The following IL1RAPL1 variants were observed in gnomAD, a reference collection of about 807,000 sequenced individuals.
IL1RAPL1 encodes interleukin-1 receptor accessory protein-like 1.
In IL1RAPL1, 3 loss-of-function variants were observed where a neutral mutation model predicts 48.4. The ratio of observed to expected loss-of-function variants is 0.06; its 90% CI spans 0.03 to 0.16. The LOEUF is 0.16. IL1RAPL1 is among the 10% of genes least tolerant of loss of function. The pLI is 1.00. For synonymous variants in IL1RAPL1, 185 were observed against 187.7 expected (o/e 0.99, Z 0.12); for missense variants, 349 against 530.6 (o/e 0.66, Z 3.36).
chrX:28,932,107 T>G (rs955225513), intron 2 of IL1RAPL1, among the ~76,000 whole-genome samples: 8 of 110,902 alleles, frequency 7.2e-5, no homozygotes, highest in African/African-American at 2.6e-4. Flanking sequence ...TATGAGCATA[T>G]GCATTTATAA....
intron 2 of IL1RAPL1, among the ~76,000 whole-genome samples, chrX:28,862,967 C>T (rs748062492): frequency 1.0e-4 from 11 of 110,395 alleles, no homozygotes; most frequent in African/African-American, 3.6e-4. Flanking sequence ...CGGCAACATC[C>T]GCCTCCCCGG....
chrX:29,653,582 T>G (rs1925580259), intron 5 of IL1RAPL1, among the ~76,000 whole-genome samples: 1 of 111,738 alleles, frequency 8.9e-6, no homozygotes, highest in Non-Finnish European at 1.9e-5. Flanking sequence ...CTTATAGGCA[T>G]GTTTTTCTTT....
intron 5 of IL1RAPL1, among the ~76,000 whole-genome samples, chrX:29,410,328 G>T (rs1934127542): frequency 9.2e-6 from 1 of 109,232 alleles, no homozygotes; most frequent in African/African-American, 3.3e-5. Context: ...GGGTGTGGTG[G>T]TGCGTGCCTG....
chrX:29,062,803 C>A, intron 2 of IL1RAPL1, among the ~76,000 whole-genome samples: 1 of 111,171 alleles, frequency 9.0e-6, no homozygotes, highest in Non-Finnish European at 1.9e-5. Context: ...ATCCTAGCTT[C>A]TTTTTTCAAG....
chrX:29,014,667 T>G (rs1305348224), intron 2 of IL1RAPL1, among the ~76,000 whole-genome samples: 1 of 112,111 alleles, frequency 8.9e-6, no homozygotes, highest in Non-Finnish European at 1.9e-5. Flanking sequence ...GGTCAAATTT[T>G]TTAATAACCT....
At chrX:29,507,469 A>G (rs1935348723) in intron 5 of IL1RAPL1, among the ~76,000 whole-genome samples, 1 of 56,714 alleles carries the variant, frequency 1.8e-5, no homozygotes, top group Admixed American at 2.3e-4. Context: ...CAGTGGCTCA[A>G]TCATGGCTCA....
intron 5 of IL1RAPL1, among the ~76,000 whole-genome samples, chrX:29,646,091 G>A (rs1460937414): frequency 3.6e-5 from 4 of 111,922 alleles, no homozygotes; most frequent in African/African-American, 9.7e-5. Flanking sequence ...AGGTGCCATT[G>A]ACTGACCTTA....
chrX:29,558,378 C>T (rs1411820948), intron 5 of IL1RAPL1, among the ~76,000 whole-genome samples: 1 of 111,473 alleles, frequency 9.0e-6, no homozygotes, highest in Non-Finnish European at 1.9e-5. Context: ...TTTAAGTAGG[C>T]TTATTTGTTG....
At chrX:28,821,512 T>C (rs1288376837) in intron 2 of IL1RAPL1, among the ~76,000 whole-genome samples, 11 of 111,849 alleles carry the variant, frequency 9.8e-5, no homozygotes, top group African/African-American at 3.6e-4. Context: ...TAAGCAGTAT[T>C]GTCAGTGTAC....
chrX:29,477,314 CTAT>C (rs1350163211), intron 5 of IL1RAPL1, among the ~76,000 whole-genome samples: 2 of 111,875 alleles, frequency 1.8e-5, no homozygotes, highest in Non-Finnish European at 3.8e-5. Flanking sequence ...ACTATTAAGA[CTAT>C]TATTATTGCT....
At chrX:29,309,221 A>G (rs1932670616) in intron 3 of IL1RAPL1, among the ~76,000 whole-genome samples, 1 of 112,124 alleles carries the variant, frequency 8.9e-6, no homozygotes, top group South Asian at 3.7e-4. Context: ...GCAAGAAAGT[A>G]TACTCAACTT....
chrX:28,657,839 T>G (rs1014509591), intron 1 of IL1RAPL1, among the ~76,000 whole-genome samples: 5 of 112,004 alleles, frequency 4.5e-5, no homozygotes, highest in Non-Finnish European at 9.4e-5. Flanking sequence ...ATCTAAAGAA[T>G]TGGAGTTTAG....
chrX:29,805,018 A>G (rs1930218841), intron 6 of IL1RAPL1, among the ~76,000 whole-genome samples: 1 of 112,652 alleles, frequency 8.9e-6, no homozygotes, highest in Non-Finnish European at 1.9e-5. Flanking sequence ...AAACTTTTGT[A>G]TGTCCTGCTA....
At chrX:29,900,841 TG>T (rs1341009062) in intron 6 of IL1RAPL1, among the ~76,000 whole-genome samples, 1 of 111,740 alleles carries the variant, frequency 8.9e-6, no homozygotes, top group Non-Finnish European at 1.9e-5. Context: ...TGAGACAAGG[TG>T]GAAAAAGTAG....
intron 3 of IL1RAPL1, among the ~76,000 whole-genome samples, chrX:29,338,653 A>T (rs1418876370): frequency 1.8e-5 from 2 of 111,085 alleles, no homozygotes; most frequent in African/African-American, 6.5e-5. Context: ...AGCTCAGTTG[A>T]TATTATTAGT....
chrX:28,815,354 A>G (rs2147278195), intron 2 of IL1RAPL1, among the ~76,000 whole-genome samples: 1 of 110,642 alleles, frequency 9.0e-6, no homozygotes, highest in Admixed American at 9.7e-5. Flanking sequence ...TGATAGATGT[A>G]TACATTTTAG....
At chrX:28,934,028 T>C (rs779075829) in intron 2 of IL1RAPL1, among the ~76,000 whole-genome samples, 2 of 111,230 alleles carry the variant, frequency 1.8e-5, no homozygotes, top group Non-Finnish European at 3.8e-5. Flanking sequence ...CCAGCTTCTT[T>C]ACTCCATCCT....
intron 7 of IL1RAPL1, 78 bp downstream of exon 7, chrX:29,917,674 A>AT (rs778228325): frequency 6.3e-4 from 563 of 897,660 alleles, no homozygotes; most frequent in East Asian, 6.2e-3. Flanking sequence ...AGCTGAAAGG[A>AT]TTTTTTTTTG....
chrX:29,919,909 CTGTT>C (rs767414860), intron 7 of IL1RAPL1, 36 bp from the exon 8 acceptor site: 18 of 1,152,518 alleles, frequency 1.6e-5, no homozygotes, highest in South Asian at 3.6e-5. Context: ...GTGTATGTGT[CTGTT>C]TGTGTGGATT....
Sources: allele counts gnomAD v4.1 joint callset (sites outside exome capture counted in the v4.1 genomes callset), GRCh38; gene constraint gnomAD v4.1.1; transcripts MANE v1.5; gene names NCBI Gene and HGNC (gene_info 2026-07-23, HGNC 2026-07-21).